The following RAD54L2 variants were observed in gnomAD, a reference collection of about 807,000 sequenced individuals.
The protein encoded by RAD54L2 is RAD54 like 2, also known as helicase ARIP4.
A neutral mutation model predicts 138.4 loss-of-function variants in RAD54L2; 27 were observed. That is an observed-to-expected ratio of 0.20 (90% CI 0.14 to 0.27). RAD54L2 has a LOEUF of 0.27. Ranked by LOEUF, RAD54L2 falls within the 10% of genes least tolerant of loss-of-function variation. The pLI is 1.00. For synonymous variants in RAD54L2, 644 were observed against 723.2 expected (o/e 0.89, Z 1.76); for missense variants, 1,396 against 1,890.2 (o/e 0.74, Z 4.85).
At chr3:51,550,460 T>G (rs1166732474) in intron 2 of RAD54L2, among the ~76,000 whole-genome samples, 1 of 152,204 alleles carries the variant, frequency 6.6e-6, no homozygotes, top group African/African-American at 2.4e-5. Context: ...CATTATTAAC[T>G]ACCATTAAGA....
rs1220270018 is a variant in RAD54L2 at position 51,637,739 on chromosome 3, A to G, written c.1682+236A>G. The stretch of plus-strand genomic sequence containing the variant: ...AAAGTTATCTTTAAAGGTACTGGAG[A>G]CACCTGTCTTACTTGCTGAGAGAAG... On this transcript the variant is annotated intron_variant, in intron 11 of 22. Coordinates refer to ENST00000684192, the MANE Select transcript of RAD54L2 (RefSeq NM_015106.4). The surrounding 1 kb of genome is among the most constrained non-coding windows in gnomAD (Gnocchi z 5.9). 6.6e-6 allele frequency among the ~76,000 whole-genome samples: 1 copy of G among 152,264 alleles called. No homozygotes were observed. The highest frequency in any genetic ancestry group is 1.5e-5 in the Non-Finnish European group (1 of 68,052).
At chr3:51,655,602 T>C (rs1171162050) in intron 19 of RAD54L2, among the ~76,000 whole-genome samples, 1 of 152,206 alleles carries the variant, frequency 6.6e-6, no homozygotes. Flanking sequence ...CGCTGTGGTC[T>C]GGTGAACTTT....
intron 2 of RAD54L2, among the ~76,000 whole-genome samples, chr3:51,581,929 C>CTT (rs200417357): frequency 7.0e-6 from 1 of 142,190 alleles, no homozygotes; most frequent in South Asian, 2.2e-4. Context: ...CTTCTCTTTT[C>CTT]TTTTTTTTTT....
intron 3 of RAD54L2, among the ~76,000 whole-genome samples, chr3:51,627,228 A>G (rs1056459394): frequency 1.3e-5 from 2 of 152,164 alleles, no homozygotes; most frequent in Admixed American, 1.3e-4. Context: ...CTTTCTGAGC[A>G]TTCTGAGGCC....
chr3:51,663,102 C>T lies in RAD54L2; in HGVS notation c.4086C>T (p.Val1362=), dbSNP rs777375876. The change falls in exon 23 of 23, where the codon GTC becomes GTT. Residue 1362 remains valine (V), a synonymous_variant. Coordinates refer to ENST00000684192, the MANE Select transcript of RAD54L2 (RefSeq NM_015106.4). The part of the protein sequence containing the change: ...PVSSSSTATS[V]TASNPSFMLN... ...GTTCCTCTTCCACGGCTACCTCAGT[C>T]ACTGCCAGCAACCCCTCCTTCATGC... The T allele has an allele frequency of 1.9e-6, 3 of 1,613,976 alleles. No individual in the cohort carries two copies. The highest frequency in any genetic ancestry group is 1.7e-6 in the Non-Finnish European group (2 of 1,179,860).
intron 2 of RAD54L2, among the ~76,000 whole-genome samples, chr3:51,571,976 C>T (rs1699347181): frequency 6.6e-6 from 1 of 152,100 alleles, no homozygotes; most frequent in African/African-American, 2.4e-5. Context: ...TTAAAAGAAG[C>T]CTTTTTTCTA....
intron 14 of RAD54L2, among the ~76,000 whole-genome samples, chr3:51,640,263 T>C (rs1025608248): frequency 2.6e-5 from 4 of 152,224 alleles, no homozygotes; most frequent in Non-Finnish European, 5.9e-5. Context: ...GGATAGTTTT[T>C]ACATTTTTAA....
intron 3 of RAD54L2, among the ~76,000 whole-genome samples, chr3:51,606,705 CAG>C (rs1329765122): frequency 1.3e-5 from 2 of 151,698 alleles, no homozygotes; most frequent in African/African-American, 4.8e-5. Flanking sequence ...TATTTTGAGA[CAG>C]AGTCTTGCTG....
At chr3:51,543,225 G>C (rs1205737556) in intron 2 of RAD54L2, among the ~76,000 whole-genome samples, 2 of 151,946 alleles carry the variant, frequency 1.3e-5, no homozygotes, top group Non-Finnish European at 2.9e-5. Context: ...GTAGAGGCCA[G>C]AAGTGACTTG....
chr3:51,540,557 C>T (rs1698524672), intron 1 of RAD54L2, among the ~76,000 whole-genome samples: 1 of 152,130 alleles, frequency 6.6e-6, no homozygotes, highest in Non-Finnish European at 1.5e-5. Flanking sequence ...TTAAAGGGAA[C>T]CCTACATGAA....
chr3:51,601,504 C>CA (rs1453651882), intron 3 of RAD54L2, among the ~76,000 whole-genome samples: 1 of 151,854 alleles, frequency 6.6e-6, no homozygotes, highest in African/African-American at 2.4e-5. Context: ...GATGGGGTTT[C>CA]ACCATGTTGG....
intron 2 of RAD54L2, among the ~76,000 whole-genome samples, chr3:51,578,362 A>G (rs1046432618): frequency 7.9e-5 from 12 of 152,200 alleles, no homozygotes; most frequent in African/African-American, 2.4e-5. Context: ...TTGTGTTTGA[A>G]TATAACTCAT....
intron 2 of RAD54L2, among the ~76,000 whole-genome samples, chr3:51,583,147 T>C (rs1699644729): frequency 6.6e-6 from 1 of 152,198 alleles, no homozygotes; most frequent in Non-Finnish European, 1.5e-5. Context: ...TCTAAAACAA[T>C]AAAATTGGAA....
At chr3:51,634,589 C>T (rs1041084770) in intron 9 of RAD54L2, among the ~76,000 whole-genome samples, 2 of 152,054 alleles carry the variant, frequency 1.3e-5, no homozygotes, top group African/African-American at 2.4e-5. Context: ...AGGCTGGTCT[C>T]GAACTCCTGA....
intron 3 of RAD54L2, among the ~76,000 whole-genome samples, chr3:51,596,025 G>A (rs377196052): frequency 6.8e-6 from 1 of 146,804 alleles, no homozygotes; most frequent in Non-Finnish European, 1.5e-5. Context: ...GCACCCCAGG[G>A]TCAGGTGGTC....
intron 2 of RAD54L2, among the ~76,000 whole-genome samples, chr3:51,566,018 T>G (rs532050950): frequency 7.3e-5 from 11 of 151,606 alleles, no homozygotes; most frequent in Admixed American, 5.9e-4. Context: ...TTAGTAGAGA[T>G]GGGGTTTCAC....
chr3:51,641,564 G>A (rs144047216), intron 14 of RAD54L2, among the ~76,000 whole-genome samples, 185 bp from the exon 15 acceptor site: 3 of 152,172 alleles, frequency 2.0e-5, no homozygotes, highest in East Asian at 1.9e-4. Flanking sequence ...TGATCCACCC[G>A]CCTCGGCCTC....
chr3:51,602,408 G>A (rs1230702528), intron 3 of RAD54L2, among the ~76,000 whole-genome samples: 3 of 152,198 alleles, frequency 2.0e-5, no homozygotes, highest in Non-Finnish European at 2.9e-5. Flanking sequence ...TCATCTGTCT[G>A]TGAATCTACG....
chr3:51,639,773 A>G (rs914491210), intron 13 of RAD54L2, 103 bp downstream of exon 13: 58 of 1,523,744 alleles, frequency 3.8e-5, no homozygotes, highest in Middle Eastern at 1.8e-4. Context: ...GGGTCTCTGT[A>G]TGGAATTATA....
Sources: gnomAD v4.1 joint callset for allele counts (sites outside exome capture counted in the v4.1 genomes callset) on GRCh38, gnomAD v4.1.1 for gene constraint, Gnocchi (gnomAD v3.1) non-coding constraint, MANE v1.5 for transcripts, NCBI Gene and HGNC (gene_info 2026-07-23, HGNC 2026-07-21) for gene names.